Variants in NEDD9 observed in about 807,000 individuals in gnomAD.
NEDD9 encodes enhancer of filamentation 1.
A neutral mutation model predicts 76.6 loss-of-function variants in NEDD9; 26 were observed. The observed-to-expected ratio is 0.34, with a 90% CI of 0.25 to 0.47. NEDD9 has a LOEUF of 0.47. Among genes scored for constraint, NEDD9 ranks in the 20% least tolerant of loss-of-function variants. The pLI is 1.00. For synonymous variants in NEDD9, 392 were observed against 414.2 expected (o/e 0.95, Z 0.65); for missense variants, 937 against 1,058.5 (o/e 0.89, Z 1.59).
intron 1 of NEDD9, among the ~76,000 whole-genome samples, chr6:11,221,886 A>G (rs952351388): frequency 1.3e-5 from 2 of 151,968 alleles, no homozygotes; most frequent in South Asian, 2.1e-4. Context: ...CAATAAAACA[A>G]CCATCTGGAT....
At position 11,185,621 on chromosome 6, in the gene NEDD9, A is replaced by T. The variant is rs1436996525; in HGVS notation, c.2046T>A (p.Asn682Lys). The change falls in exon 7 of 7, where the codon AAT becomes AAA. Residue 682 changes from asparagine to lysine, a missense_variant. By Grantham distance (94) the Asn-to-Lys change is moderately conservative. Coordinates refer to ENST00000379446, the MANE Select transcript of NEDD9 (RefSeq NM_006403.4). ...GAGAGGGCTTCCACTTCGAGATGTC[A>T]TTCTCCACGGGCTTTGTAATCTCTT... ...LEQEITKPVE[N>K]DISKWKPSQS... 6.2e-7 allele frequency: 1 copy of T among 1,614,098 alleles called. No individual in the cohort carries two copies. Among genetic ancestry groups the T allele is most frequent in the Non-Finnish European group, 8.5e-7 (1 of 1,180,050 alleles).
intron 3 of NEDD9, among the ~76,000 whole-genome samples, chr6:11,304,226 C>G (rs575179281): frequency 6.6e-6 from 1 of 152,314 alleles, no homozygotes; most frequent in Non-Finnish European, 1.5e-5. Flanking sequence ...CACTTGTCAT[C>G]AGAGAAATGC....
At chr6:11,343,062 A>G (rs550663222) in intron 1 of NEDD9, among the ~76,000 whole-genome samples, 19 of 152,166 alleles carry the variant, frequency 1.2e-4, no homozygotes, top group Non-Finnish European at 2.1e-4. Flanking sequence ...ACTCATCTGT[A>G]CACTTAAAAT....
chr6:11,195,456 TTG>T (rs1304183825), intron 2 of NEDD9, among the ~76,000 whole-genome samples: 1 of 116,300 alleles, frequency 8.6e-6, no homozygotes, highest in Non-Finnish European at 2.0e-5. Context: ...CCTTATATGA[TTG>T]TTTTTTTTTT....
chr6:11,328,440 C>T (rs1045493215), intron 2 of NEDD9: 3 of 152,206 alleles, frequency 2.0e-5, no homozygotes, highest in Non-Finnish European at 4.4e-5. Flanking sequence ...CCAGATGAAG[C>T]AGATTGATTC....
chr6:11,278,439 C>G (rs1760463721), intron 3 of NEDD9, among the ~76,000 whole-genome samples: 1 of 152,140 alleles, frequency 6.6e-6, no homozygotes, highest in Non-Finnish European at 1.5e-5. Context: ...AGGTTTGAAC[C>G]TAGGTAATTG....
chr6:11,367,642 A>G (rs1173697393), intron 1 of NEDD9, among the ~76,000 whole-genome samples: 12 of 152,290 alleles, frequency 7.9e-5, no homozygotes, highest in African/African-American at 2.9e-4. Context: ...GTTTAGAGTA[A>G]GCTGCAATTA....
chr6:11,355,834 C>G (rs375346336), intron 1 of NEDD9, among the ~76,000 whole-genome samples: 5 of 152,164 alleles, frequency 3.3e-5, no homozygotes, highest in Admixed American at 1.3e-4. Flanking sequence ...CATTCTCCTG[C>G]CTCAGCCTCC....
chr6:11,325,387 A>T, intron 2 of NEDD9, among the ~76,000 whole-genome samples: 1 of 152,030 alleles, frequency 6.6e-6, no homozygotes, highest in East Asian at 1.9e-4. Flanking sequence ...CATTATTGAG[A>T]AGCGAAATAA....
intron 1 of NEDD9, among the ~76,000 whole-genome samples, chr6:11,229,722 A>AT (rs1184801946): frequency 2.0e-5 from 3 of 152,266 alleles, no homozygotes; most frequent in African/African-American, 7.2e-5. Flanking sequence ...TTAAGTACGT[A>AT]TGACAGTGAC....
chr6:11,250,575 G>A (rs962469806), intron 3 of NEDD9, among the ~76,000 whole-genome samples: 7 of 152,018 alleles, frequency 4.6e-5, no homozygotes, highest in Non-Finnish European at 7.4e-5. Flanking sequence ...TCCCTTTGCC[G>A]GCATACCATT....
chr6:11,325,530 A>AAT (rs1761907695), intron 2 of NEDD9, among the ~76,000 whole-genome samples: 1 of 152,238 alleles, frequency 6.6e-6, no homozygotes, highest in Non-Finnish European at 1.5e-5. Context: ...GGCTTTGCAC[A>AAT]ATATAAAGAT....
chr6:11,207,852 A>G (rs1223041976), intron 2 of NEDD9, among the ~76,000 whole-genome samples: 2 of 152,198 alleles, frequency 1.3e-5, no homozygotes, highest in African/African-American at 4.8e-5. Context: ...TAGGTAAATC[A>G]TAACATATGC....
chr6:11,342,203 T>C (rs1262146661), intron 1 of NEDD9, among the ~76,000 whole-genome samples: 1 of 152,032 alleles, frequency 6.6e-6, no homozygotes, highest in African/African-American at 2.4e-5. Context: ...TATGGAACAA[T>C]ATCAGACAGT....
At position 11,297,894 on chromosome 6, in the gene NEDD9, G is replaced by A. The variant is rs117655365; in HGVS notation, c.12+8098C>T. On this transcript the variant is annotated intron_variant, in intron 3 of 3. Transcript: ENST00000397378. Reference sequence around the variant, plus strand: ...AACTAGGCAGTATGGCTTCTAGTCCGTATTTTTTTTTCTTTTCTTTTTTTT... The same window carrying A: ...AACTAGGCAGTATGGCTTCTAGTCCATATTTTTTTTTCTTTTCTTTTTTTT... Among the ~76,000 whole-genome samples, 189 of 145,738 alleles carry A rather than the reference G, an allele frequency of 1.3e-3. 3 individuals are homozygous for A. In the East Asian group the frequency reaches 0.035, roughly 27 times the overall value.
intron 1 of NEDD9, among the ~76,000 whole-genome samples, chr6:11,229,320 A>G (rs2113257753): frequency 6.6e-6 from 1 of 152,366 alleles, no homozygotes; most frequent in Middle Eastern, 3.4e-3. Context: ...CAAAGCCACA[A>G]AAGCGTCTCT....
intron 3 of NEDD9, among the ~76,000 whole-genome samples, chr6:11,290,887 C>T (rs1235364703): frequency 6.6e-6 from 1 of 152,170 alleles, no homozygotes; most frequent in Non-Finnish European, 1.5e-5. Flanking sequence ...CTGCTTTCTT[C>T]GGATTTAGGT....
chr6:11,237,218 T>TGTTG (rs1019547966), upstream of NEDD9, among the ~76,000 whole-genome samples: 1 of 152,174 alleles, frequency 6.6e-6, no homozygotes, highest in Non-Finnish European at 1.5e-5. The surrounding 1 kb of genome is among the most constrained non-coding windows in gnomAD (Gnocchi z 4.9). Context: ...CATAATGATT[T>TGTTG]GTTGATGTCT....
intron 6 of NEDD9, among the ~76,000 whole-genome samples, chr6:11,187,952 C>G (rs772420227): frequency 1.3e-5 from 2 of 152,200 alleles, no homozygotes. Context: ...GACCAAATGC[C>G]TTAACCCAAA....
Sources: gnomAD v4.1 joint callset for allele counts (sites outside exome capture counted in the v4.1 genomes callset) on GRCh38, gnomAD v4.1.1 for gene constraint, Gnocchi (gnomAD v3.1) non-coding constraint, MANE v1.5 for transcripts, NCBI Gene and HGNC (gene_info 2026-07-23, HGNC 2026-07-21) for gene names.